Variants in SPAG9 observed in about 807,000 individuals in gnomAD.
SPAG9 encodes sperm associated antigen 9.
SPAG9 carries 35 observed loss-of-function variants against 166.5 expected under a neutral mutation model. The observed-to-expected ratio is 0.21, with a 90% CI of 0.16 to 0.28. The LOEUF is 0.28. Among genes scored for constraint, SPAG9 ranks in the 10% least tolerant of loss-of-function variants. The pLI is 1.00. For missense variants in SPAG9, 1,235 were observed against 1,603.3 expected (o/e 0.77, Z 3.92); for synonymous variants, 534 against 565.5 (o/e 0.94, Z 0.79).
At chr17:50,990,701 A>T (rs1327182305) in intron 19 of SPAG9, 33 bp from the exon 20 acceptor site, 3 of 1,540,490 alleles carry the variant, frequency 1.9e-6, no homozygotes, top group Admixed American at 1.7e-5. Context: ...ACAGCAAAGT[A>T]AACTTCTATA....
intron 21 of SPAG9, 21 bp downstream of exon 21, chr17:50,989,656 G>A (rs1975372189): frequency 3.7e-6 from 6 of 1,605,974 alleles, no homozygotes; most frequent in African/African-American, 1.3e-5. Context: ...AGTTGCCTAA[G>A]TTGATGACCC....
At chr17:50,980,991 G>GA (rs2143709966) in intron 25 of SPAG9, among the ~76,000 whole-genome samples, 1 of 152,194 alleles carries the variant, frequency 6.6e-6, no homozygotes, top group South Asian at 2.1e-4. Flanking sequence ...GACAGAGTGA[G>GA]ACCTTGTCTC....
In SPAG9 at chr17:51,026,791, C is replaced by T. The variant is rs1007131931; in HGVS notation, c.783+4890G>A. On this transcript the variant is annotated intron_variant, in intron 6 of 29. Transcript: ENST00000262013. ...TCCCAGGTTCAAGTGATTCTCCTGC[C>T]TCAGCCTCCCGAGTAGCTGGGATTA... 7.9e-5 allele frequency among the ~76,000 whole-genome samples: 12 copies of T among 151,736 alleles called. No individual in the cohort carries two copies. In the East Asian group the frequency reaches 1.7e-3, roughly 22 times the overall value.
intron 28 of SPAG9, among the ~76,000 whole-genome samples, 159 bp downstream of exon 28, chr17:50,974,612 A>G (rs1384471112): frequency 6.6e-6 from 1 of 152,208 alleles, no homozygotes; most frequent in Non-Finnish European, 1.5e-5. Context: ...AAGTATCCCT[A>G]TAGCACCTTA....
At chr17:51,079,914 C>T (rs931995325) in intron 1 of SPAG9, among the ~76,000 whole-genome samples, 6 of 152,064 alleles carry the variant, frequency 3.9e-5, no homozygotes, top group Non-Finnish European at 7.4e-5. Flanking sequence ...TAATTGTTTC[C>T]ACTTCATGTT....
chr17:51,093,877 C>T (rs368067795), intron 1 of SPAG9, among the ~76,000 whole-genome samples: 61 of 152,052 alleles, frequency 4.0e-4, no homozygotes, highest in African/African-American at 1.5e-3. Flanking sequence ...GCCAGGTGGC[C>T]TTCCTTGCTC....
In SPAG9 at chr17:50,982,509, A is replaced by G. The variant is rs1183326104; in HGVS notation, c.3237+15T>C. On this transcript the variant is annotated intron_variant, in intron 25 of 29. Transcript: ENST00000262013. The stretch of plus-strand genomic sequence containing the variant: ...CAAATTCAATAAATACAGAAAACAT[A>G]GGCTAATAACTTGCCTCTATTTTCA... 4.4e-6 allele frequency: 7 copies of G among 1,599,488 alleles called. No individual in the cohort carries two copies. Among genetic ancestry groups the G allele is most frequent in the East Asian group, 2.2e-5 (1 of 44,820 alleles).
At chr17:51,101,783 C>T (rs2048815034) in intron 1 of SPAG9, among the ~76,000 whole-genome samples, 1 of 152,058 alleles carries the variant, frequency 6.6e-6, no homozygotes, top group African/African-American at 2.4e-5. Flanking sequence ...GCCACCATGC[C>T]TGGCTAATTT....
chr17:51,047,156 C>G (rs2047048645), intron 4 of SPAG9, among the ~76,000 whole-genome samples: 1 of 152,178 alleles, frequency 6.6e-6, no homozygotes, highest in Non-Finnish European at 1.5e-5. Flanking sequence ...TCTAAATACT[C>G]AATGTGCTGC....
intron 1 of SPAG9, among the ~76,000 whole-genome samples, chr17:51,114,161 A>G (rs962955661): frequency 2.6e-5 from 4 of 152,100 alleles, no homozygotes; most frequent in African/African-American, 4.8e-5. Flanking sequence ...CCCCTTCTCT[A>G]TTAAAACTAC....
rs758974847 is a variant in SPAG9 at position 50,995,543 on chromosome 17, G to A, written c.1969-10C>T. ...CTTGACCATTGGTTACCTAATAATG[G>A]TGGAAGGAGGAGTGAAAAAGGCACA... On this transcript the variant is annotated splice_polypyrimidine_tract_variant and intron_variant, in intron 16 of 29. Transcript: ENST00000262013. 9 of 1,560,268 alleles carry A rather than the reference G, an allele frequency of 5.8e-6. No homozygotes were observed. In the South Asian group the frequency reaches 8.9e-5, roughly 15 times the overall value.
chr17:51,048,907 T>C (rs1227771501), intron 3 of SPAG9, among the ~76,000 whole-genome samples: 1 of 152,214 alleles, frequency 6.6e-6, no homozygotes, highest in African/African-American at 2.4e-5. Flanking sequence ...TTATAGATTT[T>C]ACCACCATTT....
intron 1 of SPAG9, among the ~76,000 whole-genome samples, chr17:51,083,112 G>A (rs1261245767): frequency 6.6e-6 from 1 of 152,092 alleles, no homozygotes; most frequent in Non-Finnish European, 1.5e-5. Flanking sequence ...TTTAATTAAA[G>A]ATACTATTTG....
At chr17:51,105,866 CA>C (rs201060509) in intron 1 of SPAG9, among the ~76,000 whole-genome samples, 1 of 147,508 alleles carries the variant, frequency 6.8e-6, no homozygotes, top group African/African-American at 2.5e-5. Context: ...CAGGCTGTCT[CA>C]AAAAAAAAGA....
intron 9 of SPAG9, among the ~76,000 whole-genome samples, chr17:51,008,569 T>C: frequency 6.6e-6 from 1 of 152,056 alleles, no homozygotes; most frequent in East Asian, 1.9e-4. Flanking sequence ...AAGGTAATTT[T>C]CCAAATGATT....
At position 51,006,105 on chromosome 17, in the gene SPAG9, T is replaced by C; in HGVS notation, c.1404A>G (p.Glu468=). 1 of 1,614,184 alleles carries C rather than the reference T, an allele frequency of 6.2e-7. No homozygotes were observed. The highest frequency in any genetic ancestry group is 8.5e-7 in the Non-Finnish European group (1 of 1,180,002). Residue 468 remains glutamate, a synonymous_variant, in exon 11 of 30, where the codon GAA becomes GAG. Transcript: ENST00000262013. ...CTTACTTCCTAAGCTCTTCCTCCAA[T>C]TCTCTGTTCTTTTCCTCTAGTTTCA... The part of the protein sequence containing the change: ...AKLKLEEKNR[E]LEEELRKARA...
At chr17:50,984,438 G>C (rs1009253698) in intron 24 of SPAG9, among the ~76,000 whole-genome samples, 1 of 152,202 alleles carries the variant, frequency 6.6e-6, no homozygotes, top group African/African-American at 2.4e-5. Context: ...TGTAATCCCA[G>C]CACTTTGGGA....
chr17:51,028,892 C>T (rs926781875), intron 6 of SPAG9, among the ~76,000 whole-genome samples: 1 of 152,102 alleles, frequency 6.6e-6, no homozygotes, highest in Middle Eastern at 3.2e-3. Context: ...GCTGTTTTGG[C>T]TAATACTCTT....
At chr17:51,113,917 C>T (rs1248646237) in intron 1 of SPAG9, among the ~76,000 whole-genome samples, 1 of 152,082 alleles carries the variant, frequency 6.6e-6, no homozygotes, top group South Asian at 2.1e-4. Context: ...ATCGCTTGAA[C>T]CCAGGAGGCA....
Sources: allele counts gnomAD v4.1 joint callset (sites outside exome capture counted in the v4.1 genomes callset), GRCh38; gene constraint gnomAD v4.1.1; transcripts MANE v1.5; gene names NCBI Gene and HGNC (gene_info 2026-07-23, HGNC 2026-07-21).